Variants in TNN observed in about 807,000 individuals in gnomAD.
TNN encodes the protein tenascin N.
TNN carries 122 observed loss-of-function variants against 134.4 expected under a neutral mutation model. The observed-to-expected ratio is 0.91, with a 90% confidence interval of 0.78 to 1.06. The LOEUF is 1.06. Among genes scored for constraint, TNN ranks in the 50% least tolerant of loss-of-function variants. The pLI is 0.00. For missense variants in TNN, 1,739 were observed against 1,699.4 expected, an observed-to-expected ratio of 1.02 and a Z score of -0.41; for synonymous variants, 710 against 670.3, an observed-to-expected ratio of 1.06 and a Z score of -0.91.
Position 175,138,044 on chromosome 1 carries a change from G to A in TNN, c.3595+1056G>A, listed in dbSNP as rs549073346. 3.9e-5 allele frequency among the ~76,000 whole-genome samples: 6 copies of A among 152,274 alleles called. No homozygotes were observed. The South Asian group carries it at 8.3e-4, about 21-fold the overall frequency. ...TGGGAGGAAATAGAGGGCTCTCCAGGCCTGGGGGCTTTAGGGTGAGTAGGG... is the reference window on the plus strand; with the variant it reads ...TGGGAGGAAATAGAGGGCTCTCCAGACCTGGGGGCTTTAGGGTGAGTAGGG... On this transcript the variant is annotated intron_variant, in intron 17 of 18. Coordinates refer to ENST00000239462, the MANE Select transcript of TNN (RefSeq NM_022093.2).
intron 10 of TNN, among the ~76,000 whole-genome samples, chr1:175,118,066 A>C (rs1186199877): frequency 6.6e-6 from 1 of 152,216 alleles, no homozygotes; most frequent in Non-Finnish European, 1.5e-5. Flanking sequence ...ACTACTAGGC[A>C]CTGGGAACAC....
rs199865867 is a variant in TNN, at chr1:175,091,559, TTTTATTTATTTA to T, written c.1325-2395_1325-2384del. Among the ~76,000 whole-genome samples the T allele has an allele frequency of 5.7e-3, 807 of 141,678 alleles. 6 individuals are homozygous for T. Among genetic ancestry groups the T allele is most frequent in the South Asian group, 0.012 (52 of 4,492 alleles). 92.9% of individuals were successfully genotyped at this position (141,678 alleles called of 152,430 possible). A position where few individuals can be genotyped will look rare whatever the true frequency, so the allele number is the denominator to read the frequency against. On this transcript the variant is annotated intron_variant, in intron 6 of 18. Coordinates refer to ENST00000239462, the MANE Select transcript of TNN (RefSeq NM_022093.2). ...TTATTTATTTACTTTTATTTATTAT[TTTTATTTATTTA>T]TTTATTTATTTATTTATTTATTTAT... is the stretch of plus-strand genomic sequence containing the variant.
chr1:175,126,823 C>A, intron 12 of TNN, 132 bp from the exon 13 acceptor site: 1 of 959,844 alleles, frequency 1.0e-6, no homozygotes, highest in Middle Eastern at 2.8e-4. Flanking sequence ...AGGAAGAGAG[C>A]CTGCAAACTG....
intron 17 of TNN, 46 bp from the exon 18 acceptor site, chr1:175,144,341 C>T (rs760567090): frequency 3.2e-5 from 50 of 1,582,250 alleles, no homozygotes; most frequent in Admixed American, 6.8e-5. Flanking sequence ...ATCATCTCCT[C>T]GGTGGCTAAC....
At chr1:175,117,867 A>G (rs983786058) in intron 10 of TNN, among the ~76,000 whole-genome samples, 10 of 152,242 alleles carry the variant, frequency 6.6e-5, no homozygotes, top group Non-Finnish European at 1.5e-4. Flanking sequence ...TTTTGAGGAT[A>G]AGGATAGCTC....
intron 15 of TNN, among the ~76,000 whole-genome samples, chr1:175,132,674 A>G (rs1464090980): frequency 6.6e-6 from 1 of 152,152 alleles, no homozygotes; most frequent in South Asian, 2.1e-4. Context: ...CTGTTTTACC[A>G]TGAGCTGGCT....
chr1:175,076,170 G>C (rs1453955822), intron 1 of TNN, among the ~76,000 whole-genome samples: 1 of 152,078 alleles, frequency 6.6e-6, no homozygotes, highest in African/African-American at 2.4e-5. Flanking sequence ...GGGGGTTGGG[G>C]GCACAAGGGG....
chr1:175,118,444 A>T (rs1675245050), intron 10 of TNN, 117 bp from the exon 11 acceptor site: 1 of 1,240,288 alleles, frequency 8.1e-7, no homozygotes, highest in Non-Finnish European at 1.1e-6. Context: ...AAACAAGAGC[A>T]TATGAGGCGG....
At chr1:175,139,661 G>A (rs1056577907) in intron 17 of TNN, among the ~76,000 whole-genome samples, 11 of 152,060 alleles carry the variant, frequency 7.2e-5, no homozygotes, top group African/African-American at 2.4e-4. Flanking sequence ...GCAATAAAAA[G>A]CATAGTATTA....
intron 17 of TNN, among the ~76,000 whole-genome samples, chr1:175,143,518 G>GGTGTGTGTGTGT (rs149081442): frequency 0.38 from 56,589 of 148,516 alleles, 11,029 homozygotes; most frequent in Non-Finnish European, 0.44. Flanking sequence ...TTTGTGTGTA[G>GGTGTGTGTGTGT]GTGTGTGTGT....
chr1:175,072,611 T>C (rs980040812), intron 1 of TNN, among the ~76,000 whole-genome samples: 1 of 152,182 alleles, frequency 6.6e-6, no homozygotes, highest in Non-Finnish European at 1.5e-5. Flanking sequence ...GGAGTCTCTT[T>C]CCTGCCACGT....
rs199922511 is a variant in TNN at position 175,080,275 on chromosome 1, G to A, written c.897G>A (p.Gly299=). ...DHYLLSYYPL[G]KELSGKQIQV... is the part of the protein sequence containing the mutation. Reference sequence around the variant, plus strand: ...ACCTCCTCAGCTACTACCCCCTGGGGAAGGAGCTCTCTGGGAAGCAGATCC... The same window carrying A: ...ACCTCCTCAGCTACTACCCCCTGGGAAAGGAGCTCTCTGGGAAGCAGATCC... Residue 299 remains glycine (G), a synonymous_variant, in exon 4 of 19, where the codon GGG becomes GGA. Transcript: ENST00000239462. The A allele has an allele frequency of 4.5e-5, 72 of 1,614,054 alleles. 1 individual carries two copies. In the South Asian group the frequency reaches 7.0e-4, roughly 16 times the overall value.
intron 9 of TNN, among the ~76,000 whole-genome samples, chr1:175,104,551 C>T (rs1299382929): frequency 6.9e-6 from 1 of 145,972 alleles, no homozygotes; most frequent in Admixed American, 6.9e-5. Flanking sequence ...TTTCTGACCT[C>T]TCTGAACCAC....
intron 15 of TNN, among the ~76,000 whole-genome samples, chr1:175,131,436 G>GTTT (rs1675670926): frequency 6.6e-6 from 1 of 152,100 alleles, no homozygotes; most frequent in Non-Finnish European, 1.5e-5. Context: ...TCTTTTGTTT[G>GTTT]TTTGTTTTTC....
At chr1:175,126,930 C>A (rs1326790993) in intron 12 of TNN, 25 bp from the exon 13 acceptor site, 2 of 1,592,882 alleles carry the variant, frequency 1.3e-6, no homozygotes, top group African/African-American at 2.7e-5. Context: ...TTAGTAATAA[C>A]AATTACCTGA....
intron 6 of TNN, among the ~76,000 whole-genome samples, chr1:175,093,582 A>G (rs112630698): frequency 0.01 from 1,581 of 152,264 alleles, 15 homozygotes; most frequent in Non-Finnish European, 0.014. Context: ...GGAAGCAATG[A>G]ACAGGGGAGG....
rs751673595 is a variant in TNN, at chr1:175,144,449, G to T, written c.3658G>T (p.Ala1220Ser). The change falls in exon 18 of 19, where the codon GCA (alanine) becomes TCA (serine). Residue 1220 changes from alanine (A) to serine (S), a missense_variant. By Grantham distance (99) the Ala-to-Ser change is moderately conservative (BLOSUM62 1). Transcript: ENST00000239462. ...FTTFDRDNDI[A>S]LSNCALTHHG... ...AACTTTTGACAGAGACAATGATATCGCACTCAGCAACTGTGCCCTGACACA... is the reference window on the plus strand; with the variant it reads ...AACTTTTGACAGAGACAATGATATCTCACTCAGCAACTGTGCCCTGACACA... 34 of 1,614,150 alleles carry T rather than the reference G, an allele frequency of 2.1e-5. No homozygotes were observed. Among genetic ancestry groups the T allele is most frequent in the Non-Finnish European group, 2.8e-5 (33 of 1,180,000 alleles).
intron 1 of TNN, among the ~76,000 whole-genome samples, chr1:175,073,243 T>C (rs969664410): frequency 2.0e-5 from 3 of 152,166 alleles, no homozygotes; most frequent in Non-Finnish European, 4.4e-5. Flanking sequence ...TGCTCATCAA[T>C]TGCATAATCA....
intron 11 of TNN, among the ~76,000 whole-genome samples, chr1:175,122,140 C>T (rs1469886209): frequency 6.6e-6 from 1 of 150,790 alleles, no homozygotes; most frequent in Non-Finnish European, 1.5e-5. Context: ...CCTGTAATCC[C>T]AGAACTTTTG....
Sources: allele counts gnomAD v4.1 joint callset (sites outside exome capture counted in the v4.1 genomes callset), GRCh38; gene constraint gnomAD v4.1.1; transcripts MANE v1.5; gene names NCBI Gene and HGNC (gene_info 2026-07-23, HGNC 2026-07-21).